Variants in HENMT1 observed in about 807,000 individuals in gnomAD.
HENMT1 encodes the protein small RNA 2'-O-methyltransferase.
HENMT1 carries 27 observed loss-of-function variants against 31.1 expected under a neutral mutation model. The ratio of observed to expected loss-of-function variants is 0.87; its 90% CI spans 0.64 to 1.20. The LOEUF is 1.20. Among genes scored for constraint, HENMT1 ranks in the 50% most tolerant of loss-of-function variants. The pLI is 0.00. For missense variants in HENMT1, 438 were observed against 469.6 expected (o/e 0.93, Z 0.62); for synonymous variants, 167 against 172.2 (o/e 0.97, Z 0.24).
intron 5 of HENMT1, among the ~76,000 whole-genome samples, chr1:108,654,355 G>A (rs970563617): frequency 1.3e-5 from 2 of 152,026 alleles, no homozygotes; most frequent in African/African-American, 4.8e-5. Context: ...TTTAGTAGAG[G>A]CAAAAGGCCA....
At chr1:108,650,890 A>G (rs763684898) in intron 6 of HENMT1, 140 bp downstream of exon 6, 3 of 658,140 alleles carry the variant, frequency 4.6e-6, no homozygotes, top group Non-Finnish European at 7.7e-6. Flanking sequence ...ATCTTATTAC[A>G]TACTAAGTCA....
chr1:108,659,941 G>A lies in HENMT1; in HGVS notation c.-57C>T. 1.9e-6 allele frequency: 3 copies of A among 1,563,276 alleles called. No homozygotes were observed. The highest frequency in any genetic ancestry group is 1.2e-5 in the South Asian group (1 of 83,560). On this transcript the variant is annotated 5_prime_UTR_variant, in exon 2 of 8. Coordinates refer to ENST00000651461, the MANE Select transcript of HENMT1 (RefSeq NM_001102592.2). ...AAGATTTATCCTTCAAGCTCTATTT[G>A]AGAGAATCAGCACTGACTCAGCTGT...
intron 2 of HENMT1, among the ~76,000 whole-genome samples, chr1:108,657,795 G>C (rs955550760): frequency 3.9e-5 from 6 of 152,028 alleles, no homozygotes; most frequent in Non-Finnish European, 7.4e-5. Context: ...AGAGAATCTA[G>C]CTGTATGCTC....
chr1:108,649,852 C>T (rs1406665854), intron 7 of HENMT1, among the ~76,000 whole-genome samples: 1 of 152,098 alleles, frequency 6.6e-6, no homozygotes, highest in African/African-American at 2.4e-5. Context: ...GGAGATCTCA[C>T]TATGTTGTCC....
intron 5 of HENMT1, among the ~76,000 whole-genome samples, chr1:108,652,668 G>A (rs1658089942): frequency 6.6e-6 from 1 of 152,312 alleles, no homozygotes; most frequent in African/African-American, 2.4e-5. Context: ...AAACCAGCCA[G>A]GCACAGTGGC....
intron 5 of HENMT1, among the ~76,000 whole-genome samples, chr1:108,651,657 A>C (rs948875195): frequency 6.6e-6 from 1 of 151,936 alleles, no homozygotes; most frequent in African/African-American, 2.4e-5. Flanking sequence ...AGATAGAAGA[A>C]AAAGAAAGAA....
Position 108,654,770 on chromosome 1 carries a change from A to G in HENMT1, c.344T>C (p.Val115Ala), listed in dbSNP as rs1444694460. The stretch of plus-strand genomic sequence containing the variant: ...AAGCAAACGAGAGTCTCTCTCCACA[A>G]CGGAGCCATGATACAATGTGATGGT... The part of the protein sequence containing the change: ...NLTITLYHGS[V>A]VERDSRLLGF... Residue 115 changes from valine (V) to alanine (A), a missense_variant, in exon 5 of 8, where the codon GTT (valine) becomes GCT (alanine). Val to Ala is a moderately conservative substitution (Grantham distance 64). Transcript: ENST00000651461. The G allele has an allele frequency of 6.2e-7, 1 of 1,614,142 alleles. No homozygotes were observed. Among genetic ancestry groups the G allele is most frequent in the Non-Finnish European group, 8.5e-7 (1 of 1,179,972 alleles).
At chr1:108,651,574 G>A (rs1658055496) in intron 5 of HENMT1, 1 of 160,170 alleles carries the variant, frequency 6.2e-6, no homozygotes, top group Non-Finnish European at 1.4e-5. Context: ...GAACCCAGGA[G>A]GCAGAGGTTG....
chr1:108,658,442 TTTAAGAGA>T (rs1461731332), intron 2 of HENMT1, among the ~76,000 whole-genome samples: 1 of 152,178 alleles, frequency 6.6e-6, no homozygotes, highest in Non-Finnish European at 1.5e-5. Flanking sequence ...CAACACTCTT[TTTAAGAGA>T]GAGAGAGGAT....
rs1658452873 is a variant in HENMT1 at position 108,661,047 on chromosome 1, C to CGT, written c.-165_-164dup. 1 of 978,202 alleles carries CGT rather than the reference C, an allele frequency of 1.0e-6. No homozygotes were observed. Among genetic ancestry groups the CGT allele is most frequent in the African/African-American group, 1.8e-5 (1 of 57,112 alleles). 60.6% of individuals were successfully genotyped at this position (978,202 alleles called of 1,614,324 possible). A position where few individuals can be genotyped will look rare whatever the true frequency, so the allele number is the denominator to read the frequency against. On this transcript the variant is annotated 5_prime_UTR_variant, in exon 1 of 8. Coordinates refer to ENST00000651461, the MANE Select transcript of HENMT1 (RefSeq NM_001102592.2). The stretch of plus-strand genomic sequence containing the variant: ...CATGCCCAACCGAAAAAACAAAGCT[C>CGT]GTCGCGGAGCCGCCAGCGTCCTCAA...
chr1:108,655,682 C>T lies in HENMT1; in HGVS notation c.167G>A (p.Cys56Tyr), dbSNP rs1459828185. 2 of 1,608,542 alleles carry T rather than the reference C, an allele frequency of 1.2e-6. No homozygotes were observed. Among genetic ancestry groups the T allele is most frequent in the South Asian group, 1.1e-5 (1 of 90,186 alleles). ...HEPKKVADLGCGDTSLLRLLK... is the reference protein window; with the variant it reads ...HEPKKVADLGYGDTSLLRLLK... ...CAGCCTTAAGAGTGAAGTATCACCACATCCCAGGTCTGCAACCTGTAGATG... is the reference window on the plus strand; with the variant it reads ...CAGCCTTAAGAGTGAAGTATCACCATATCCCAGGTCTGCAACCTGTAGATG... The change falls in exon 4 of 8, where the codon TGT (cysteine) becomes TAT (tyrosine). Residue 56 changes from cysteine (C) to tyrosine (Y), a missense_variant. By Grantham distance (194) the Cys-to-Tyr change is radical. Coordinates refer to ENST00000651461, the MANE Select transcript of HENMT1 (RefSeq NM_001102592.2).
At chr1:108,658,543 G>A (rs1658337772) in intron 2 of HENMT1, among the ~76,000 whole-genome samples, 3 of 152,180 alleles carry the variant, frequency 2.0e-5, no homozygotes, top group Admixed American at 2.0e-4. Context: ...TTGGGCATCT[G>A]TAGGAACATT....
intron 2 of HENMT1, among the ~76,000 whole-genome samples, chr1:108,658,490 T>TC (rs1658335838): frequency 6.6e-6 from 1 of 152,160 alleles, no homozygotes; most frequent in African/African-American, 2.4e-5. Flanking sequence ...TGGTTTAAAA[T>TC]TCCTGGGCTC....
chr1:108,654,762 T>G lies in HENMT1; in HGVS notation c.352A>C (p.Arg118=). The G allele has an allele frequency of 6.2e-7, 1 of 1,614,060 alleles. No individual in the cohort carries two copies. Among genetic ancestry groups the G allele is most frequent in the Non-Finnish European group, 8.5e-7 (1 of 1,179,962 alleles). ...ITLYHGSVVE[R]DSRLLGFDLI... Reference sequence around the variant, plus strand: ...TCAAATCCAAGCAAACGAGAGTCTCTCTCCACAACGGAGCCATGATACAAT... The same window carrying G: ...TCAAATCCAAGCAAACGAGAGTCTCGCTCCACAACGGAGCCATGATACAAT... The change falls in exon 5 of 8, where the codon AGA becomes CGA. Residue 118 remains arginine (R), a synonymous_variant. Transcript: ENST00000651461.
Position 108,657,516 on chromosome 1 carries a change from G to T in HENMT1, c.85C>A (p.Pro29Thr). ...TGGTACCGCTGTCTGTATAGTGGAG[G>T]TTTAAACTGAATTGCCGTCTCCCTG... ...VPRETAIQFK[P>T]PLYRQRYQFV... Residue 29 changes from proline to threonine, a missense_variant, in exon 3 of 8, where the codon CCT becomes ACT. Physicochemically the swap from Pro to Thr is conservative, Grantham distance 38 (BLOSUM62 -1). Transcript: ENST00000651461. 6.2e-7 allele frequency: 1 copy of T among 1,611,788 alleles called. No homozygotes were observed. The highest frequency in any genetic ancestry group is 8.5e-7 in the Non-Finnish European group (1 of 1,178,076).
In HENMT1 at chr1:108,652,559, C is replaced by T. The variant is rs541810973; in HGVS notation, c.399-1350G>A. Among the ~76,000 whole-genome samples, 5 of 152,160 alleles carry T rather than the reference C, an allele frequency of 3.3e-5. No individual in the cohort carries two copies. In the East Asian group the frequency reaches 9.6e-4, roughly 29 times the overall value. On this transcript the variant is annotated intron_variant, in intron 5 of 7. Transcript: ENST00000651461. ...CAAAACCGGGTCTGACAAAGTCTTGCTGCCATCCCATCTAAGTCAGTGTGT... is the reference window on the plus strand; with the variant it reads ...CAAAACCGGGTCTGACAAAGTCTTGTTGCCATCCCATCTAAGTCAGTGTGT...
At position 108,650,444 on chromosome 1, in the gene HENMT1, TAAGG is replaced by T. The variant is rs550275189; in HGVS notation, c.579-60_579-57del. On this transcript the variant is annotated intron_variant, in intron 6 of 7. Transcript: ENST00000651461. The stretch of plus-strand genomic sequence containing the variant: ...TTCTAAATGTAGAGCTACTGTTAAA[TAAGG>T]AACCATTTCTGGTCAGCAGTAAAAG... The T allele has an allele frequency of 5.3e-4, 779 of 1,466,892 alleles. 5 individuals carry two copies. The African/African-American group carries it at 9.9e-3, about 19-fold the overall frequency. The allele number at this position is 1,466,892 out of a possible 1,614,324, so 90.9% of individuals were successfully genotyped here.
In HENMT1 at chr1:108,648,695, C is replaced by T. The variant is rs367981501; in HGVS notation, c.1053G>A (p.Lys351=). 6 of 1,614,196 alleles carry T rather than the reference C, an allele frequency of 3.7e-6. No individual in the cohort carries two copies. The highest frequency in any genetic ancestry group is 5.1e-6 in the Non-Finnish European group (6 of 1,180,046). Residue 351 remains lysine (K), a synonymous_variant, in exon 8 of 8, where the codon AAG becomes AAA. Coordinates refer to ENST00000651461, the MANE Select transcript of HENMT1 (RefSeq NM_001102592.2). ...CTTCATTAGCACATAAGCGGTTCAACTTGGGATACGCAAGGAGTCTCTGCA... is the reference window on the plus strand; with the variant it reads ...CTTCATTAGCACATAAGCGGTTCAATTTGGGATACGCAAGGAGTCTCTGCA... ...VPLQRLLAYP[K]LNRLCANEEM...
chr1:108,657,225 C>A (rs1300483462), intron 3 of HENMT1, among the ~76,000 whole-genome samples: 1 of 152,118 alleles, frequency 6.6e-6, no homozygotes, highest in African/African-American at 2.4e-5. Flanking sequence ...TTCAAACCAC[C>A]CTCTCATCCC....
Sources: allele counts gnomAD v4.1 joint callset (sites outside exome capture counted in the v4.1 genomes callset), GRCh38; gene constraint gnomAD v4.1.1; transcripts MANE v1.5; gene names NCBI Gene and HGNC (gene_info 2026-07-23, HGNC 2026-07-21).